The following MICAL3 variants were observed in gnomAD, a reference collection of about 807,000 sequenced individuals.
MICAL3 encodes the protein microtubule associated monooxygenase, calponin and LIM domain containing 3, also known as [F-actin]-monooxygenase MICAL3.
In MICAL3, 62 loss-of-function variants were observed where a neutral mutation model predicts 207.4. The ratio of observed to expected loss-of-function variants is 0.30; its 90% CI spans 0.24 to 0.37. The LOEUF (loss-of-function observed/expected upper bound fraction) is 0.37. MICAL3 is among the 10% of genes least tolerant of loss of function. The probability of loss-of-function intolerance (pLI) is 1.00; values close to 1 mark genes in which losing one functional copy is unlikely to be tolerated. For missense variants in MICAL3, 2,368 were observed against 2,635.6 expected (o/e 0.90, Z 2.22); for synonymous variants, 1,077 against 1,069.3 (o/e 1.01, Z -0.14).
intron 16 of MICAL3, among the ~76,000 whole-genome samples, chr22:17,873,965 A>G (rs1309777350): frequency 6.6e-6 from 1 of 152,220 alleles, no homozygotes; most frequent in East Asian, 1.9e-4. Context: ...GCAACTCACC[A>G]TGAGCCATTA....
intron 2 of MICAL3, among the ~76,000 whole-genome samples, chr22:17,906,071 C>G (rs951143014): frequency 2.0e-5 from 3 of 152,200 alleles, no homozygotes; most frequent in African/African-American, 7.2e-5. Flanking sequence ...AGGATACCAG[C>G]AGGGCTTGGC....
At position 17,889,278 on chromosome 22, in the gene MICAL3, T is replaced by TA. The variant is rs777654378; in HGVS notation, c.1695-49dup. 19 of 1,413,082 alleles carry TA rather than the reference T, an allele frequency of 1.3e-5. No homozygotes were observed. In the African/African-American group the frequency reaches 2.4e-4, roughly 18 times the overall value. 87.5% of individuals were successfully genotyped at this position (1,413,082 alleles called of 1,614,324 possible). On this transcript the variant is annotated intron_variant, in intron 12 of 31. Transcript: ENST00000441493. ...CATATCAAGATAGGTTGACAGTCCT[T>TA]AAACAGAAACGCAGTATCCTGGAGT...
At position 17,789,147 on chromosome 22, in the gene MICAL3, T is replaced by C. The variant is rs981308834; in HGVS notation, c.*1585A>G. 1 of 151,978 alleles carries C rather than the reference T, an allele frequency of 6.6e-6. No individual in the cohort carries two copies. The highest frequency in any genetic ancestry group is 2.4e-5 in the African/African-American group (1 of 41,296). The allele number at this position is 151,978 out of a possible 1,614,324, so 9.4% of individuals were successfully genotyped here. On this transcript the variant is annotated 3_prime_UTR_variant, in exon 32 of 32. Transcript: ENST00000441493. Reference sequence around the variant, plus strand: ...TCGGGGCTCGCCCTTTATGTCCCCATGAAGATCCGGCACAAGGCAGGTGCC... The same window carrying C: ...TCGGGGCTCGCCCTTTATGTCCCCACGAAGATCCGGCACAAGGCAGGTGCC...
rs780026075 is a variant in MICAL3, at chr22:17,889,041, G to A, written c.1884C>T (p.Pro628=). 2.5e-6 allele frequency: 4 copies of A among 1,602,450 alleles called. No individual in the cohort carries two copies. The highest frequency in any genetic ancestry group is 3.4e-6 in the Non-Finnish European group (4 of 1,170,714). ...GCTCCTTCCAGGCCTTACCGCTAGA[G>A]GGGAGGGAGTCCTTAAACATCTCGT... ...QFYEMFKDSL[P]SSDTLDLNAE... Residue 628 remains proline, a synonymous_variant, in exon 13 of 32, where the codon CCC becomes CCT. Coordinates refer to ENST00000441493, the MANE Select transcript of MICAL3 (RefSeq NM_015241.3).
chr22:17,820,238 CT>C (rs1399243589), intron 25 of MICAL3, among the ~76,000 whole-genome samples: 8 of 152,096 alleles, frequency 5.3e-5, no homozygotes, highest in Non-Finnish European at 1.2e-4. Flanking sequence ...AGCTTTCTCC[CT>C]GATCTGACCT....
chr22:17,983,476 A>G (rs541905856), intron 1 of MICAL3: 9 of 140,862 alleles, frequency 6.4e-5, no homozygotes, highest in African/African-American at 2.6e-4. Context: ...ATCTCTACCT[A>G]TTATCCTCAT....
intron 16 of MICAL3, chr22:17,881,153 C>T (rs1929385066): frequency 6.8e-7 from 1 of 1,463,546 alleles, no homozygotes; most frequent in Non-Finnish European, 9.6e-7. Flanking sequence ...GCCACCTACA[C>T]AGACAGGCAG....
chr22:17,933,886 A>G (rs1235531907), intron 1 of MICAL3, among the ~76,000 whole-genome samples: 1 of 152,254 alleles, frequency 6.6e-6, no homozygotes. Context: ...AAATGGATAA[A>G]TTCCTGGACA....
At chr22:17,946,665 G>C (rs1934082864) in intron 1 of MICAL3, among the ~76,000 whole-genome samples, 2 of 152,166 alleles carry the variant, frequency 1.3e-5, no homozygotes, top group Admixed American at 1.3e-4. Context: ...CAGGTGATTG[G>C]GGAAAGTTCC....
At chr22:17,848,246 GCA>G (rs1875354302) in intron 19 of MICAL3, among the ~76,000 whole-genome samples, 1 of 152,260 alleles carries the variant, frequency 6.6e-6, no homozygotes, top group African/African-American at 2.4e-5. Context: ...TGCCCTCTTT[GCA>G]CAGAGTCCAG....
In MICAL3 at chr22:17,788,937, G is replaced by C. The variant is rs985560539; in HGVS notation, c.*1795C>G. ...CCAGCTGGCCCCAGCCCACGGAGGC[G>C]GCAGGCGGCTGGAGCGCCCCTGGCA... On this transcript the variant is annotated 3_prime_UTR_variant, in exon 32 of 32. Transcript: ENST00000441493. 2 of 152,510 alleles carry C rather than the reference G, an allele frequency of 1.3e-5. No individual in the cohort carries two copies. The highest frequency in any genetic ancestry group is 3.8e-4 in the East Asian group (2 of 5,200). The allele number at this position is 152,510 out of a possible 1,614,324, so 9.4% of individuals were successfully genotyped here.
At chr22:17,959,174 C>T (rs1027907598) in intron 1 of MICAL3, among the ~76,000 whole-genome samples, 5 of 151,480 alleles carry the variant, frequency 3.3e-5, no homozygotes, top group African/African-American at 9.7e-5. Flanking sequence ...CACCACCACG[C>T]CCGGCTAATT....
intron 19 of MICAL3, chr22:17,862,122 C>T (rs1180336204): frequency 2.0e-6 from 2 of 985,278 alleles, no homozygotes; most frequent in Non-Finnish European, 2.4e-6. Context: ...CTGAGTTACA[C>T]ACAAGAGAAT....
chr22:17,924,733 C>G (rs73388440), intron 1 of MICAL3, among the ~76,000 whole-genome samples: 7,231 of 152,224 alleles, frequency 0.048, 350 homozygotes, highest in African/African-American at 0.13. Context: ...ATTAAGCAAC[C>G]CTGTATTTCA....
intron 1 of MICAL3, among the ~76,000 whole-genome samples, chr22:17,930,815 C>T (rs1053209804): frequency 6.6e-6 from 1 of 152,238 alleles, no homozygotes; most frequent in Non-Finnish European, 1.5e-5. Flanking sequence ...AGGTGAAGGG[C>T]AGAGACACGG....
intron 19 of MICAL3, chr22:17,864,392 G>A: frequency 4.5e-6 from 6 of 1,340,862 alleles, no homozygotes; most frequent in East Asian, 3.0e-5. Flanking sequence ...GGAACAGGAC[G>A]CAGAATCTTA....
chr22:17,854,870 C>T lies in MICAL3; in HGVS notation c.2605+10029G>A, dbSNP rs377764280. ...CTGGATGCTAGAAGCCTCTGACAGACGGGACGTTCCACTTGGATATTACAG... is the reference window on the plus strand; with the variant it reads ...CTGGATGCTAGAAGCCTCTGACAGATGGGACGTTCCACTTGGATATTACAG... On this transcript the variant is annotated intron_variant, in intron 19 of 31. Transcript: ENST00000441493. Among the ~76,000 whole-genome samples, 9 of 152,312 alleles carry T rather than the reference C, an allele frequency of 5.9e-5. No homozygotes were observed. The South Asian group carries it at 8.3e-4, about 14-fold the overall frequency.
At chr22:17,795,512 C>T (rs1213292789) in intron 29 of MICAL3, among the ~76,000 whole-genome samples, 2 of 152,380 alleles carry the variant, frequency 1.3e-5, no homozygotes, top group East Asian at 1.9e-4. Context: ...GCACAAAATA[C>T]AGCTTTCAGC....
chr22:17,878,975 TAAG>T (rs1360693142), intron 16 of MICAL3, among the ~76,000 whole-genome samples: 1 of 152,190 alleles, frequency 6.6e-6, no homozygotes, highest in African/African-American at 2.4e-5. Flanking sequence ...ACCCTCTCCC[TAAG>T]AAGTTGTATC....
Sources: allele counts gnomAD v4.1 joint callset (sites outside exome capture counted in the v4.1 genomes callset), GRCh38; gene constraint gnomAD v4.1.1; transcripts MANE v1.5; gene names NCBI Gene and HGNC (gene_info 2026-07-23, HGNC 2026-07-21).